MACROD2: variants seen among roughly 807,000 people sequenced by gnomAD.
The protein encoded by MACROD2 is mono-ADP ribosylhydrolase 2.
MACROD2 carries 36 observed loss-of-function variants against 70.4 expected under a neutral mutation model. The observed-to-expected ratio is 0.51, with a 90% CI of 0.39 to 0.68. The LOEUF is 0.68. Ranked by LOEUF, MACROD2 falls within the 30% of genes least tolerant of loss-of-function variation. The pLI, the probability that MACROD2 is intolerant of heterozygous loss-of-function variation, is 0.00. For synonymous variants in MACROD2, 172 were observed against 178.8 expected (o/e 0.96, Z 0.30); for missense variants, 496 against 538.4 (o/e 0.92, Z 0.78).
At chr20:15,985,749 C>T (rs527994231) in intron 13 of MACROD2, 10 of 152,394 alleles carry the variant, frequency 6.6e-5, no homozygotes, top group East Asian at 1.9e-4. Context: ...CTCGTTTCCC[C>T]GTCAGGGAAC....
Position 15,885,686 on chromosome 20 carries a change from TTAA to T in MACROD2, c.728-73_728-71del, listed in dbSNP as rs1386024837. 3.1e-6 allele frequency: 4 copies of T among 1,283,998 alleles called. No individual in the cohort carries two copies. In the Admixed American group the frequency reaches 1.3e-4, roughly 41 times the overall value. 79.5% of individuals were successfully genotyped at this position (1,283,998 alleles called of 1,614,324 possible). ...CTGTTATCCCTTTCTTTGATTTTTT[TTAA>T]TAATCCATCTGGAACATTCTTGTGT... On this transcript the variant is annotated intron_variant, in intron 9 of 17. Coordinates refer to ENST00000684519, the MANE Select transcript of MACROD2 (RefSeq NM_001351661.2).
At chr20:16,014,401 C>G (rs1005059793) in intron 15 of MACROD2, among the ~76,000 whole-genome samples, 10 of 152,200 alleles carry the variant, frequency 6.6e-5, no homozygotes, top group African/African-American at 1.9e-4. Flanking sequence ...ACTTTTGTTA[C>G]ACTAAGGAAG....
chr20:14,577,844 A>G (rs1041466954), intron 4 of MACROD2, among the ~76,000 whole-genome samples: 2 of 31,816 alleles, frequency 6.3e-5, no homozygotes, highest in African/African-American at 1.1e-4. Context: ...GAAAACAACT[A>G]TGTAAGAAAT....
chr20:14,108,096 CAACAAAAAGTTA>C (rs893555313), intron 3 of MACROD2, among the ~76,000 whole-genome samples: 1 of 151,548 alleles, frequency 6.6e-6, no homozygotes, highest in Non-Finnish European at 1.5e-5. Context: ...CAAAGAGGAA[CAACAAAAAGTTA>C]AAAAGTGGGG....
intron 5 of MACROD2, among the ~76,000 whole-genome samples, chr20:15,190,118 TCA>T (rs1443450383): frequency 6.6e-6 from 1 of 152,226 alleles, no homozygotes; most frequent in Non-Finnish European, 1.5e-5. Flanking sequence ...TAATGTACTC[TCA>T]GTTTAAAAAT....
At chr20:15,068,892 G>A (rs770359747) in intron 5 of MACROD2, among the ~76,000 whole-genome samples, 10 of 152,188 alleles carry the variant, frequency 6.6e-5, no homozygotes, top group Non-Finnish European at 8.8e-5. Context: ...AATGGGCACA[G>A]GGTTGGAAGA....
intron 8 of MACROD2, among the ~76,000 whole-genome samples, chr20:15,666,999 TTCTA>T (rs201120748): frequency 1.6e-4 from 24 of 152,230 alleles, no homozygotes; most frequent in Admixed American, 4.6e-4. Flanking sequence ...TGTTTTCTTT[TTCTA>T]TCTATCTATC....
chr20:14,389,510 C>T (rs562426133), intron 3 of MACROD2, among the ~76,000 whole-genome samples: 4 of 150,874 alleles, frequency 2.7e-5, no homozygotes, highest in Admixed American at 6.6e-5. Context: ...TTTACCATGA[C>T]GTGCAAATTA....
intron 10 of MACROD2, among the ~76,000 whole-genome samples, chr20:15,904,818 T>C (rs1056711569): frequency 6.7e-6 from 1 of 148,882 alleles, no homozygotes; most frequent in Non-Finnish European, 1.5e-5. Flanking sequence ...GAGGCGGAGC[T>C]TGCAGTGAGC....
intron 8 of MACROD2, among the ~76,000 whole-genome samples, chr20:15,802,456 TTTCTGTCCTTCA>T: frequency 6.6e-6 from 1 of 152,192 alleles, no homozygotes; most frequent in Admixed American, 6.5e-5. Context: ...GATCATATGG[TTTCTGTCCTTCA>T]TTCTGTTGAT....
At chr20:15,762,622 G>A (rs1385177369) in intron 8 of MACROD2, among the ~76,000 whole-genome samples, 2 of 152,154 alleles carry the variant, frequency 1.3e-5, no homozygotes, top group Non-Finnish European at 2.9e-5. Context: ...CTTAGTCCAG[G>A]CTTTCATTGG....
At chr20:15,272,590 T>G (rs548810247) in intron 6 of MACROD2, among the ~76,000 whole-genome samples, 1 of 152,318 alleles carries the variant, frequency 6.6e-6, no homozygotes, top group South Asian at 2.1e-4. Flanking sequence ...CCAAGATTAT[T>G]GTTAAGGGCT....
chr20:14,233,445 C>A (rs1225590703), intron 3 of MACROD2, among the ~76,000 whole-genome samples: 1 of 151,922 alleles, frequency 6.6e-6, no homozygotes, highest in East Asian at 1.9e-4. Flanking sequence ...GTAATCCCAG[C>A]ACTTTGGGAG....
chr20:14,964,287 C>A (rs1340784691), intron 5 of MACROD2, among the ~76,000 whole-genome samples: 1 of 151,994 alleles, frequency 6.6e-6, no homozygotes, highest in African/African-American at 2.4e-5. Flanking sequence ...TGAGACTGCA[C>A]ACAGGCCGGG....
chr20:14,692,486 C>T (rs555685622), intron 5 of MACROD2, among the ~76,000 whole-genome samples: 1 of 152,314 alleles, frequency 6.6e-6, no homozygotes, highest in South Asian at 2.1e-4. Context: ...CTATGGGTCT[C>T]ATTTACCCCT....
At chr20:15,829,317 T>C (rs1052870241) in intron 8 of MACROD2, among the ~76,000 whole-genome samples, 5 of 152,168 alleles carry the variant, frequency 3.3e-5, no homozygotes, top group African/African-American at 9.6e-5. Flanking sequence ...AGGAAATCCA[T>C]TGCAGCAACT....
chr20:15,389,558 C>G (rs1055785287), intron 6 of MACROD2, among the ~76,000 whole-genome samples: 13 of 152,276 alleles, frequency 8.5e-5, no homozygotes, highest in Middle Eastern at 3.4e-3. Flanking sequence ...GTAGAAACCC[C>G]ATAATCAAAT....
chr20:14,044,220 T>TA (rs1395419716), intron 2 of MACROD2, among the ~76,000 whole-genome samples: 2 of 152,054 alleles, frequency 1.3e-5, no homozygotes, highest in Non-Finnish European at 2.9e-5. Flanking sequence ...CGGTGAGTGT[T>TA]ACAGCTCTTA....
intron 3 of MACROD2, among the ~76,000 whole-genome samples, chr20:14,146,210 CA>C (rs1333119115): frequency 6.6e-6 from 1 of 151,960 alleles, no homozygotes; most frequent in Non-Finnish European, 1.5e-5. Flanking sequence ...CCCAGCTACT[CA>C]GAGAGGCTGA....
Sources: allele counts gnomAD v4.1 joint callset (sites outside exome capture counted in the v4.1 genomes callset), GRCh38; gene constraint gnomAD v4.1.1; transcripts MANE v1.5; gene names NCBI Gene and HGNC (gene_info 2026-07-23, HGNC 2026-07-21).